ERC2: variants seen among roughly 807,000 people sequenced by gnomAD.
The protein encoded by ERC2 is ERC protein 2.
ERC2 carries 42 observed loss-of-function variants against 114.8 expected under a neutral mutation model. The ratio of observed to expected loss-of-function variants is 0.37; its 90% CI spans 0.29 to 0.47. The LOEUF (loss-of-function observed/expected upper bound fraction) is 0.47. ERC2 is among the 20% of genes least tolerant of loss of function. The pLI is 0.99. For missense variants in ERC2, 939 were observed against 1,150.7 expected, an observed-to-expected ratio of 0.82 and a Z score of 2.66; for synonymous variants, 454 against 425.5, an observed-to-expected ratio of 1.07 and a Z score of -0.82.
chr3:56,187,709 T>C (rs1205746594), intron 3 of ERC2, among the ~76,000 whole-genome samples: 1 of 152,066 alleles, frequency 6.6e-6, no homozygotes, highest in Non-Finnish European at 1.5e-5. Context: ...AAATTGTAAA[T>C]GTATACAGGT....
intron 15 of ERC2, among the ~76,000 whole-genome samples, chr3:55,719,839 C>A (rs899797944): frequency 2.0e-5 from 3 of 152,070 alleles, no homozygotes; most frequent in African/African-American, 4.8e-5. Context: ...CCCCAGCAGA[C>A]CCCCCAGAAG....
At chr3:55,701,057 T>C (rs1168214584) in intron 15 of ERC2, among the ~76,000 whole-genome samples, 3 of 152,152 alleles carry the variant, frequency 2.0e-5, no homozygotes, top group Non-Finnish European at 2.9e-5. Flanking sequence ...GAACCAACAA[T>C]ACTTTCAGAG....
intron 1 of ERC2, among the ~76,000 whole-genome samples, chr3:56,450,502 C>T (rs753765137): frequency 1.3e-5 from 2 of 152,156 alleles, no homozygotes; most frequent in Non-Finnish European, 2.9e-5. Flanking sequence ...AAACTATTAT[C>T]TAGTACACAG....
intron 2 of ERC2, among the ~76,000 whole-genome samples, chr3:56,367,912 T>A (rs545509405): frequency 3.4e-5 from 5 of 146,926 alleles, no homozygotes; most frequent in Admixed American, 6.9e-5. Context: ...GGTAGGAGTA[T>A]TGCTTGAGCC....
intron 8 of ERC2, among the ~76,000 whole-genome samples, chr3:56,015,166 C>T (rs1201751554): frequency 6.6e-6 from 1 of 152,034 alleles, no homozygotes; most frequent in Admixed American, 6.6e-5. Context: ...TCAAAATGTA[C>T]ATTCTTTATC....
At chr3:55,526,643 C>T (rs890025672) in intron 17 of ERC2, among the ~76,000 whole-genome samples, 2 of 152,142 alleles carry the variant, frequency 1.3e-5, no homozygotes, top group African/African-American at 4.8e-5. Flanking sequence ...TTTCAATTGG[C>T]CATGAAGTAA....
At chr3:56,443,795 C>G (rs903678103) in intron 1 of ERC2, among the ~76,000 whole-genome samples, 1 of 151,954 alleles carries the variant, frequency 6.6e-6, no homozygotes, top group African/African-American at 2.4e-5. Flanking sequence ...TCTTCCATTG[C>G]CCATTACTGA....
chr3:56,040,613 T>TATAC (rs2075108574), intron 7 of ERC2, among the ~76,000 whole-genome samples: 3 of 874 alleles, frequency 3.4e-3, no homozygotes, highest in African/African-American at 7.3e-3. Flanking sequence ...GTATATATAA[T>TATAC]ATATAGATGT....
In ERC2 at chr3:56,269,719, G is replaced by A. The variant is rs80204371; in HGVS notation, c.1074+26300C>T. On this transcript the variant is annotated intron_variant, in intron 3 of 17. Transcript: ENST00000288221. Reference sequence around the variant, plus strand: ...CACAGGAAAGAGTAATAATAGACATGGTTAATCATGACCCTCAGCTATGAA... The same window carrying A: ...CACAGGAAAGAGTAATAATAGACATAGTTAATCATGACCCTCAGCTATGAA... 3.7e-4 allele frequency among the ~76,000 whole-genome samples: 57 copies of A among 152,222 alleles called. 1 individual carries two copies. The East Asian group carries it at 0.011, about 29-fold the overall frequency.
chr3:56,416,723 G>T (rs1253262098), intron 2 of ERC2, among the ~76,000 whole-genome samples: 1 of 150,122 alleles, frequency 6.7e-6, no homozygotes, highest in African/African-American at 2.5e-5. Flanking sequence ...TTTACCCTTG[G>T]TCTTCCCCAG....
chr3:56,406,853 G>A (rs2060748429), intron 2 of ERC2, among the ~76,000 whole-genome samples: 1 of 152,228 alleles, frequency 6.6e-6, no homozygotes, highest in Admixed American at 6.5e-5. Flanking sequence ...TCAGAAAGTT[G>A]CAGAGGAGGC....
chr3:56,009,780 A>C (rs142532950), intron 9 of ERC2, among the ~76,000 whole-genome samples: 4 of 152,344 alleles, frequency 2.6e-5, no homozygotes, highest in African/African-American at 9.6e-5. Context: ...GAATGGGGGA[A>C]TAGCCCAAAG....
chr3:56,450,647 C>T (rs143505719), intron 1 of ERC2, among the ~76,000 whole-genome samples: 2,038 of 152,004 alleles, frequency 0.013, 24 homozygotes, highest in South Asian at 0.038. Flanking sequence ...GGCAACATGA[C>T]GACACCCCAT....
At chr3:56,325,636 G>A (rs544225409) in intron 2 of ERC2, among the ~76,000 whole-genome samples, 51 of 152,240 alleles carry the variant, frequency 3.3e-4, no homozygotes, top group African/African-American at 1.2e-3. Context: ...CCTCTATAAA[G>A]ACAGATGCTG....
At chr3:56,309,434 G>A (rs2056413348) in intron 2 of ERC2, among the ~76,000 whole-genome samples, 1 of 152,150 alleles carries the variant, frequency 6.6e-6, no homozygotes, top group South Asian at 2.1e-4. Context: ...AATACTCTAA[G>A]GTGGCACAAT....
At chr3:55,952,309 T>C (rs2067639267) in intron 12 of ERC2, among the ~76,000 whole-genome samples, 1 of 151,600 alleles carries the variant, frequency 6.6e-6, no homozygotes, top group African/African-American at 2.4e-5. Flanking sequence ...ACATAAAGTA[T>C]GATATAATAA....
At chr3:55,574,842 A>G (rs1047180090) in intron 17 of ERC2, among the ~76,000 whole-genome samples, 1 of 152,156 alleles carries the variant, frequency 6.6e-6, no homozygotes, top group Admixed American at 6.5e-5. Flanking sequence ...CCCTCCAGAC[A>G]CAGGCCAGAA....
intron 7 of ERC2, among the ~76,000 whole-genome samples, chr3:56,025,390 A>G (rs2073976259): frequency 6.6e-6 from 1 of 152,188 alleles, no homozygotes; most frequent in East Asian, 1.9e-4. Context: ...CAAAGCTAAT[A>G]TAAAGGGATC....
chr3:55,553,011 ATTTTTTTT>A (rs66602607), intron 17 of ERC2, among the ~76,000 whole-genome samples: 2 of 55,202 alleles, frequency 3.6e-5, no homozygotes, highest in African/African-American at 1.3e-4. Flanking sequence ...GGGCTTCCAG[ATTTTTTTT>A]TTTTTTTTTT....
Sources: allele counts gnomAD v4.1 joint callset (sites outside exome capture counted in the v4.1 genomes callset), GRCh38; gene constraint gnomAD v4.1.1; transcripts MANE v1.5; gene names NCBI Gene and HGNC (gene_info 2026-07-23, HGNC 2026-07-21).